Variants in SGCZ observed in about 807,000 individuals in gnomAD.
The protein encoded by SGCZ is sarcoglycan zeta.
SGCZ carries 40 observed loss-of-function variants against 41.3 expected under a neutral mutation model. The observed-to-expected ratio is 0.97, with a 90% CI of 0.75 to 1.26. SGCZ has a LOEUF of 1.26. Ranked by LOEUF, SGCZ falls within the 50% of genes most tolerant of loss-of-function variation. The pLI is 0.00. For missense variants in SGCZ, 552 were observed against 369.8 expected (o/e 1.49, Z -4.04); for synonymous variants, 206 against 137.5 (o/e 1.50, Z -3.49).
At chr8:14,824,898 G>A (rs1030708789) in intron 1 of SGCZ, among the ~76,000 whole-genome samples, 1 of 152,004 alleles carries the variant, frequency 6.6e-6, no homozygotes, top group Non-Finnish European at 1.5e-5. Flanking sequence ...ATATGCTTAT[G>A]GATACCAATT....
intron 7 of SGCZ, among the ~76,000 whole-genome samples, chr8:14,096,372 A>C (rs749790875): frequency 1.3e-5 from 2 of 151,534 alleles, no homozygotes; most frequent in African/African-American, 4.8e-5. Context: ...AGAACCAATG[A>C]CAAAAACCAC....
chr8:14,257,383 CACAA>C (rs1275579692), intron 3 of SGCZ, among the ~76,000 whole-genome samples: 1 of 151,638 alleles, frequency 6.6e-6, no homozygotes, highest in Non-Finnish European at 1.5e-5. Flanking sequence ...AAAACAAAAA[CACAA>C]ACAAAACCTA....
At chr8:14,988,709 T>G (rs1801909006) in intron 1 of SGCZ, among the ~76,000 whole-genome samples, 2 of 152,152 alleles carry the variant, frequency 1.3e-5, no homozygotes, top group Non-Finnish European at 2.9e-5. Flanking sequence ...TGTCAATACA[T>G]CTTAATAGAA....
At chr8:14,565,875 A>G (rs1804344014) in intron 1 of SGCZ, among the ~76,000 whole-genome samples, 1 of 152,200 alleles carries the variant, frequency 6.6e-6, no homozygotes, top group South Asian at 2.1e-4. Context: ...ACAATTTTCA[A>G]AATACCTTAT....
At chr8:14,312,972 C>T (rs923623393) in intron 3 of SGCZ, among the ~76,000 whole-genome samples, 1 of 152,142 alleles carries the variant, frequency 6.6e-6, no homozygotes, top group Non-Finnish European at 1.5e-5. Flanking sequence ...CTGCGGATTC[C>T]TTTCACTATT....
rs757635664 is a variant in SGCZ at position 15,237,671 on chromosome 8, A to G, written c.-48T>C. On this transcript the variant is annotated 5_prime_UTR_variant, in exon 1 of 8. Coordinates refer to ENST00000382080, the MANE Select transcript of SGCZ (RefSeq NM_139167.4). ...AGAGGAACCGGGCGAGTGGCACCCAAAAACAATCTAGTCTTTTAGTTTCCA... is the reference window on the plus strand; with the variant it reads ...AGAGGAACCGGGCGAGTGGCACCCAGAAACAATCTAGTCTTTTAGTTTCCA... The G allele has an allele frequency of 5.1e-6, 8 of 1,555,076 alleles. No homozygotes were observed. Among genetic ancestry groups the G allele is most frequent in the South Asian group, 2.4e-5 (2 of 84,520 alleles).
At chr8:14,136,552 C>G (rs943105283) in intron 5 of SGCZ, among the ~76,000 whole-genome samples, 4 of 152,174 alleles carry the variant, frequency 2.6e-5, no homozygotes, top group Non-Finnish European at 5.9e-5. Context: ...TCACTGCTAG[C>G]ACAGCAGTCC....
intron 1 of SGCZ, among the ~76,000 whole-genome samples, chr8:14,884,832 C>T (rs1322528073): frequency 2.6e-5 from 4 of 151,852 alleles, no homozygotes; most frequent in African/African-American, 4.8e-5. Context: ...TCTTCTTACC[C>T]CATCTCCTTT....
intron 1 of SGCZ, among the ~76,000 whole-genome samples, chr8:14,610,325 C>T (rs752005017): frequency 1.4e-4 from 21 of 152,200 alleles, no homozygotes; most frequent in Non-Finnish European, 2.9e-4. Flanking sequence ...TGCCCTCCCT[C>T]TACAAGACAA....
At chr8:14,981,978 C>T (rs1461740436) in intron 1 of SGCZ, among the ~76,000 whole-genome samples, 1 of 151,788 alleles carries the variant, frequency 6.6e-6, no homozygotes, top group Non-Finnish European at 1.5e-5. Context: ...GGTGAAACCC[C>T]ATCTCTACTA....
intron 2 of SGCZ, among the ~76,000 whole-genome samples, chr8:14,541,025 T>C (rs754731740): frequency 6.6e-6 from 1 of 150,970 alleles, no homozygotes; most frequent in East Asian, 1.9e-4. Context: ...AACATATATA[T>C]GTATATATGT....
In SGCZ at chr8:14,734,337, A is replaced by G. The variant is rs183805498; in HGVS notation, c.40-179411T>C. ...ATAAGAACACATCATTGAATAATAA[A>G]TGGTAAGAAAACTACAGCAACAAGA... is the stretch of plus-strand genomic sequence containing the variant. On this transcript the variant is annotated intron_variant, in intron 1 of 7. Coordinates refer to ENST00000382080, the MANE Select transcript of SGCZ (RefSeq NM_139167.4). Among the ~76,000 whole-genome samples, 166 of 152,326 alleles carry G rather than the reference A, an allele frequency of 1.1e-3. 1 individual carries two copies. Among genetic ancestry groups the G allele is most frequent in the African/African-American group, 3.8e-3 (157 of 41,588 alleles).
intron 7 of SGCZ, among the ~76,000 whole-genome samples, chr8:14,102,149 A>G (rs1802050254): frequency 1.3e-5 from 2 of 149,186 alleles, no homozygotes; most frequent in Non-Finnish European, 3.0e-5. Flanking sequence ...CGTGTTAGCC[A>G]GGATGTTCTT....
chr8:14,541,536 T>A (rs1004416678), intron 2 of SGCZ, among the ~76,000 whole-genome samples: 19 of 152,276 alleles, frequency 1.2e-4, no homozygotes, highest in African/African-American at 4.3e-4. Context: ...CTTTATCCAG[T>A]CTATCATTGA....
chr8:14,596,098 G>T (rs1348196064), intron 1 of SGCZ, among the ~76,000 whole-genome samples: 1 of 152,226 alleles, frequency 6.6e-6, no homozygotes, highest in Non-Finnish European at 1.5e-5. Flanking sequence ...CAGACAGGTT[G>T]TGGTCTTTAT....
intron 3 of SGCZ, among the ~76,000 whole-genome samples, chr8:14,258,079 T>C (rs1338913762): frequency 1.3e-5 from 2 of 152,190 alleles, no homozygotes; most frequent in Non-Finnish European, 2.9e-5. Flanking sequence ...ACTACCAAAG[T>C]AGTGAGGCTG....
intron 1 of SGCZ, among the ~76,000 whole-genome samples, chr8:14,561,529 ACTTACAGTAACTAGGACC>A (rs1008885973): frequency 9.2e-5 from 14 of 152,262 alleles, no homozygotes; most frequent in Admixed American, 5.9e-4. Flanking sequence ...TTTCTTGGCT[ACTTACAGTAACTAGGACC>A]CTTTTTATTT....
intron 4 of SGCZ, among the ~76,000 whole-genome samples, chr8:14,223,550 T>TC (rs1806275569): frequency 6.6e-6 from 1 of 151,814 alleles, no homozygotes; most frequent in Non-Finnish European, 1.5e-5. Context: ...ATATATATAT[T>TC]TTAACAGAAT....
At chr8:14,364,660 T>C (rs1020179658) in intron 2 of SGCZ, among the ~76,000 whole-genome samples, 73 of 152,186 alleles carry the variant, frequency 4.8e-4, no homozygotes, top group Non-Finnish European at 1.0e-4. Flanking sequence ...GTTTTCCTTA[T>C]ATAAATTCCC....
Sources: allele counts gnomAD v4.1 joint callset (sites outside exome capture counted in the v4.1 genomes callset), GRCh38; gene constraint gnomAD v4.1.1; transcripts MANE v1.5; gene names NCBI Gene and HGNC (gene_info 2026-07-23, HGNC 2026-07-21).